GPHN: variants seen among roughly 807,000 people sequenced by gnomAD.
GPHN encodes the protein gephyrin.
Under a neutral mutation model 95.5 loss-of-function variants are expected in GPHN, and 17 were observed. The observed-to-expected ratio is 0.18, with a 90% CI of 0.12 to 0.27. The LOEUF (loss-of-function observed/expected upper bound fraction) is 0.27. Ranked by LOEUF, GPHN falls within the 10% of genes least tolerant of loss-of-function variation. GPHN has a pLI of 1.00. For synonymous variants in GPHN, 320 were observed against 322.5 expected, an observed-to-expected ratio of 0.99 and a Z score of 0.08; for missense variants, 660 against 978.1, an observed-to-expected ratio of 0.67 and a Z score of 4.34.
At chr14:66,706,003 T>G (rs1355706057) in intron 2 of GPHN, among the ~76,000 whole-genome samples, 2 of 152,124 alleles carry the variant, frequency 1.3e-5, no homozygotes, top group Non-Finnish European at 2.9e-5. Context: ...ATCACAAGCA[T>G]TTTTATACAC....
chr14:67,704,261 A>G, the GPHN span, among the ~76,000 whole-genome samples: 2 of 152,232 alleles, frequency 1.3e-5, no homozygotes, highest in Non-Finnish European at 2.9e-5. Flanking sequence ...GAGGAGGAGC[A>G]GCTAGAGGCA....
intron 2 of GPHN, among the ~76,000 whole-genome samples, chr14:66,716,005 T>A (rs914482647): frequency 2.0e-5 from 3 of 152,078 alleles, no homozygotes; most frequent in Non-Finnish European, 4.4e-5. Context: ...TATAGATATA[T>A]CTGTTAAGTC....
At chr14:67,074,723 T>C (rs959009315) in intron 11 of GPHN, among the ~76,000 whole-genome samples, 23 of 152,186 alleles carry the variant, frequency 1.5e-4, no homozygotes, top group African/African-American at 5.3e-4. Context: ...AAAAGTTCTT[T>C]AAGGAAATTA....
chr14:67,579,190 G>A, the GPHN span: 23 of 1,610,548 alleles, frequency 1.4e-5, no homozygotes, highest in South Asian at 1.4e-4. Flanking sequence ...CGGACCCTGC[G>A]GACCGGGGAG....
chr14:67,075,950 G>T (rs778397628), intron 11 of GPHN, among the ~76,000 whole-genome samples: 1 of 152,158 alleles, frequency 6.6e-6, no homozygotes, highest in African/African-American at 2.4e-5. Flanking sequence ...AACTTAGTTG[G>T]TAAAGTAGTG....
the GPHN span, among the ~76,000 whole-genome samples, chr14:67,494,771 C>T: frequency 6.6e-6 from 1 of 152,112 alleles, no homozygotes; most frequent in Non-Finnish European, 1.5e-5. Context: ...CGAAGGCTCG[C>T]CCAACATTTG....
At chr14:66,903,561 G>A (rs1302654119) in intron 5 of GPHN, among the ~76,000 whole-genome samples, 2 of 152,082 alleles carry the variant, frequency 1.3e-5, no homozygotes, top group Non-Finnish European at 2.9e-5. Context: ...TTTCCTGTAG[G>A]TAACACATAG....
At chr14:67,724,064 T>C in the GPHN span, among the ~76,000 whole-genome samples, 1 of 152,242 alleles carries the variant, frequency 6.6e-6, no homozygotes, top group Non-Finnish European at 1.5e-5. Context: ...TTACTCATGA[T>C]GATGGTTACT....
chr14:67,513,201 G>A, the GPHN span, among the ~76,000 whole-genome samples: 1,586 of 152,266 alleles, frequency 0.01, 34 homozygotes, highest in African/African-American at 0.036. Flanking sequence ...CTGGAGGCTC[G>A]GAGGTCAGGC....
chr14:67,493,567 A>G, the GPHN span, among the ~76,000 whole-genome samples: 1 of 152,274 alleles, frequency 6.6e-6, no homozygotes, highest in South Asian at 2.1e-4. Context: ...TGCTGGTTTC[A>G]CTTTGCGACA....
the GPHN span, among the ~76,000 whole-genome samples, chr14:67,422,719 G>A: frequency 6.6e-6 from 1 of 152,080 alleles, no homozygotes; most frequent in Non-Finnish European, 1.5e-5. Context: ...AAGTCAACCA[G>A]CAGTGGCTTA....
chr14:66,674,194 G>C (rs188899803), intron 1 of GPHN, among the ~76,000 whole-genome samples: 17 of 151,848 alleles, frequency 1.1e-4, no homozygotes, highest in African/African-American at 3.1e-4. Flanking sequence ...TGCCTCCCGG[G>C]TTCATGCCAT....
intron 12 of GPHN, among the ~76,000 whole-genome samples, chr14:67,097,377 G>C (rs879909583): frequency 2.0e-5 from 3 of 152,198 alleles, no homozygotes; most frequent in Non-Finnish European, 4.4e-5. Context: ...TATTCTCAGG[G>C]ATAGTACTAG....
intron 1 of GPHN, among the ~76,000 whole-genome samples, chr14:66,527,247 G>A (rs1231973112): frequency 6.6e-6 from 1 of 152,084 alleles, no homozygotes; most frequent in Non-Finnish European, 1.5e-5. Flanking sequence ...AGATTTTCTA[G>A]TTTATTTGCA....
At chr14:66,970,884 C>G (rs557032617) in intron 9 of GPHN, among the ~76,000 whole-genome samples, 13 of 152,290 alleles carry the variant, frequency 8.5e-5, no homozygotes, top group African/African-American at 2.9e-4. Context: ...TTTACCTCAT[C>G]TGGGGGGTGT....
chr14:67,512,688 C>T, the GPHN span, among the ~76,000 whole-genome samples: 7 of 152,152 alleles, frequency 4.6e-5, no homozygotes, highest in African/African-American at 1.7e-4. Context: ...CCAGGTCTTT[C>T]CTTATGACAT....
intron 2 of GPHN, among the ~76,000 whole-genome samples, chr14:66,684,274 G>C (rs1401319475): frequency 6.6e-6 from 1 of 152,072 alleles, no homozygotes; most frequent in Non-Finnish European, 1.5e-5. Flanking sequence ...AGAAAAATTA[G>C]GCTAAGGAAA....
chr14:67,211,782 T>A, the GPHN span, among the ~76,000 whole-genome samples: 2 of 151,998 alleles, frequency 1.3e-5, no homozygotes, highest in East Asian at 3.9e-4. Context: ...GAGTTTGAAG[T>A]TTTGGTGAGC....
the GPHN span, among the ~76,000 whole-genome samples, chr14:67,572,729 A>G: frequency 6.6e-6 from 1 of 152,134 alleles, no homozygotes; most frequent in Non-Finnish European, 1.5e-5. Context: ...AAGCTGTGCC[A>G]CTACATGCCA....
Sources: gnomAD v4.1 joint callset for allele counts (sites outside exome capture counted in the v4.1 genomes callset) on GRCh38, gnomAD v4.1.1 for gene constraint, MANE v1.5 for transcripts, NCBI Gene and HGNC (gene_info 2026-07-23, HGNC 2026-07-21) for gene names.